The following KCNH8 variants were observed in gnomAD, a reference collection of about 807,000 sequenced individuals.
KCNH8 encodes the protein voltage-gated delayed rectifier potassium channel KCNH8.
Under a neutral mutation model 103.6 loss-of-function variants are expected in KCNH8, and 70 were observed. The observed-to-expected ratio is 0.68, with a 90% CI of 0.56 to 0.82. The LOEUF is 0.82. Ranked by LOEUF, KCNH8 falls within the 40% of genes least tolerant of loss-of-function variation. The probability of loss-of-function intolerance (pLI) is 0.00; values close to 1 mark genes in which losing one functional copy is unlikely to be tolerated. For synonymous variants in KCNH8, 498 were observed against 489.4 expected, an observed-to-expected ratio of 1.02 and a Z score of -0.23; for missense variants, 1,217 against 1,329.9, an observed-to-expected ratio of 0.92 and a Z score of 1.32.
chr3:19,419,050 C>T (rs2066904842), intron 7 of KCNH8, among the ~76,000 whole-genome samples: 1 of 152,090 alleles, frequency 6.6e-6, no homozygotes, highest in African/African-American at 2.4e-5. Flanking sequence ...GAAAGATAAA[C>T]ATTTTATCTA....
intron 1 of KCNH8, among the ~76,000 whole-genome samples, chr3:19,192,555 A>C (rs1364642433): frequency 6.6e-6 from 1 of 151,686 alleles, no homozygotes; most frequent in African/African-American, 2.4e-5. Context: ...CAGTTGTCCC[A>C]TATTACCAGT....
intron 7 of KCNH8, among the ~76,000 whole-genome samples, chr3:19,427,792 T>C (rs1271724950): frequency 1.8e-4 from 28 of 152,080 alleles, no homozygotes; most frequent in Admixed American, 1.7e-3. Flanking sequence ...GTTTTCATGA[T>C]CAATATAAAA....
intron 7 of KCNH8, among the ~76,000 whole-genome samples, chr3:19,415,607 T>C (rs1342648079): frequency 6.6e-6 from 1 of 152,026 alleles, no homozygotes; most frequent in African/African-American, 2.4e-5. Flanking sequence ...TTCCCTTGTA[T>C]ATATGCACGA....
At chr3:19,487,745 T>G (rs1285279070) in intron 11 of KCNH8, among the ~76,000 whole-genome samples, 2 of 152,168 alleles carry the variant, frequency 1.3e-5, no homozygotes, top group Non-Finnish European at 2.9e-5. Flanking sequence ...TCCCAGTAAC[T>G]TTAGCTGTAA....
chr3:19,498,645 C>G (rs549619796), intron 11 of KCNH8, among the ~76,000 whole-genome samples: 4 of 152,188 alleles, frequency 2.6e-5, no homozygotes, highest in East Asian at 1.9e-4. Flanking sequence ...CTTTGGAGGA[C>G]GAGAGGTGCT....
chr3:19,369,794 G>A (rs528078985), intron 5 of KCNH8, among the ~76,000 whole-genome samples: 1 of 151,752 alleles, frequency 6.6e-6, no homozygotes, highest in South Asian at 2.1e-4. Context: ...AATCAAACTC[G>A]AAACCCTGTA....
intron 1 of KCNH8, among the ~76,000 whole-genome samples, chr3:19,186,625 C>T (rs987315049): frequency 2.0e-5 from 3 of 151,834 alleles, no homozygotes; most frequent in Non-Finnish European, 4.4e-5. Context: ...AAAGAAAAAT[C>T]GTAACTTTCA....
intron 1 of KCNH8, among the ~76,000 whole-genome samples, chr3:19,154,939 C>T (rs774581734): frequency 6.6e-6 from 1 of 152,194 alleles, no homozygotes; most frequent in Non-Finnish European, 1.5e-5. Flanking sequence ...AAAATACAAA[C>T]ATCAAAGATG....
At chr3:19,309,016 A>G (rs1344424279) in intron 3 of KCNH8, among the ~76,000 whole-genome samples, 3 of 151,586 alleles carry the variant, frequency 2.0e-5, no homozygotes, top group African/African-American at 7.3e-5. Context: ...CCAAATCACA[A>G]CTCTGTAGTG....
chr3:19,408,101 A>G (rs958022744), intron 7 of KCNH8, among the ~76,000 whole-genome samples: 1 of 152,100 alleles, frequency 6.6e-6, no homozygotes, highest in Non-Finnish European at 1.5e-5. Context: ...TTCTGCCAGT[A>G]AACAAGGATC....
intron 5 of KCNH8, among the ~76,000 whole-genome samples, chr3:19,377,519 G>A (rs2066226849): frequency 1.3e-5 from 2 of 152,162 alleles, no homozygotes; most frequent in South Asian, 4.1e-4. Flanking sequence ...GAAGTTCAAA[G>A]TTCCACAGCT....
intron 10 of KCNH8, among the ~76,000 whole-genome samples, chr3:19,454,194 GTGTT>G (rs1344411831): frequency 9.5e-6 from 1 of 105,480 alleles, no homozygotes; most frequent in Non-Finnish European, 2.0e-5. Flanking sequence ...GTGTGTGTGT[GTGTT>G]TTCTTTCTTA....
intron 1 of KCNH8, among the ~76,000 whole-genome samples, chr3:19,150,756 A>G (rs2063120851): frequency 6.6e-6 from 1 of 152,204 alleles, no homozygotes; most frequent in African/African-American, 2.4e-5. Flanking sequence ...ATCCTGACAT[A>G]CCTGTATTTA....
chr3:19,317,194 C>G (rs73182734), intron 3 of KCNH8, among the ~76,000 whole-genome samples: 16,501 of 151,802 alleles, frequency 0.11, 1,030 homozygotes, highest in East Asian at 0.18. Flanking sequence ...TGGGAAAATA[C>G]TGTATTATTT....
chr3:19,290,777 G>A (rs1575500213), intron 3 of KCNH8, among the ~76,000 whole-genome samples: 2 of 152,188 alleles, frequency 1.3e-5, no homozygotes, highest in East Asian at 3.8e-4. Flanking sequence ...GAGTTAGGGA[G>A]GATTCCCTCT....
chr3:19,308,781 T>C (rs1201001366), intron 3 of KCNH8, among the ~76,000 whole-genome samples: 2 of 105,028 alleles, frequency 1.9e-5, no homozygotes, highest in Non-Finnish European at 3.7e-5. Flanking sequence ...TCCCTCTCTC[T>C]CTCTCCCTCT....
intron 8 of KCNH8, among the ~76,000 whole-genome samples, chr3:19,449,269 A>G (rs1035047700): frequency 2.1e-5 from 3 of 144,948 alleles, no homozygotes; most frequent in Non-Finnish European, 4.5e-5. Context: ...CTGGTTGACA[A>G]ACCTCATTGA....
chr3:19,188,358 G>A (rs748954538), intron 1 of KCNH8, among the ~76,000 whole-genome samples: 1 of 151,934 alleles, frequency 6.6e-6, no homozygotes, highest in Non-Finnish European at 1.5e-5. Context: ...TAGCTTTTGC[G>A]GGCCATAGAA....
chr3:19,429,334 C>T (rs540635480), intron 7 of KCNH8, among the ~76,000 whole-genome samples: 2 of 151,964 alleles, frequency 1.3e-5, no homozygotes, highest in African/African-American at 2.4e-5. Flanking sequence ...CCACTACATC[C>T]GGCTAATTTT....
Sources: allele counts gnomAD v4.1 joint callset (sites outside exome capture counted in the v4.1 genomes callset), GRCh38; gene constraint gnomAD v4.1.1; transcripts MANE v1.5; gene names NCBI Gene and HGNC (gene_info 2026-07-23, HGNC 2026-07-21).